The following FSTL5 variants were observed in gnomAD, a reference collection of about 807,000 sequenced individuals.
FSTL5 encodes the protein follistatin like 5.
In FSTL5, 62 loss-of-function variants were observed where a neutral mutation model predicts 89.1. That is an observed-to-expected ratio of 0.70 (90% CI 0.57 to 0.86). The LOEUF is 0.86. Among genes scored for constraint, FSTL5 ranks in the 40% least tolerant of loss-of-function variants. The pLI, the probability that FSTL5 is intolerant of heterozygous loss-of-function variation, is 0.00. For synonymous variants in FSTL5, 383 were observed against 346.2 expected (o/e 1.11, Z -1.18); for missense variants, 1,057 against 1,001.6 (o/e 1.06, Z -0.75).
chr4:161,901,610 T>C (rs1733365962), intron 4 of FSTL5, among the ~76,000 whole-genome samples: 1 of 152,134 alleles, frequency 6.6e-6, no homozygotes, highest in Non-Finnish European at 1.5e-5. Flanking sequence ...CCTTGTCAAA[T>C]GTTTGTGTGG....
At chr4:161,644,487 T>C (rs1418869115) in intron 7 of FSTL5, among the ~76,000 whole-genome samples, 2 of 151,088 alleles carry the variant, frequency 1.3e-5, no homozygotes, top group African/African-American at 2.4e-5. Context: ...GGCCGCACCA[T>C]TGCACTGCAG....
At chr4:162,033,591 A>T in intron 3 of FSTL5, 34 bp downstream of exon 3, 1 of 1,177,998 alleles carries the variant, frequency 8.5e-7, no homozygotes, top group Non-Finnish European at 1.2e-6. Flanking sequence ...TTATGAACTT[A>T]TATAATTGTT....
intron 7 of FSTL5, among the ~76,000 whole-genome samples, chr4:161,617,570 A>G (rs1485664580): frequency 6.6e-6 from 1 of 152,164 alleles, no homozygotes; most frequent in African/African-American, 2.4e-5. Context: ...TAGGCAAATC[A>G]TAATCAAACT....
chr4:161,582,295 T>C (rs1433986639), intron 8 of FSTL5, among the ~76,000 whole-genome samples: 1 of 152,220 alleles, frequency 6.6e-6, no homozygotes, highest in East Asian at 1.9e-4. Flanking sequence ...TCTAAAGTTC[T>C]TTTTAACTTT....
chr4:162,027,826 T>C (rs1011208432), intron 3 of FSTL5, among the ~76,000 whole-genome samples: 28 of 152,126 alleles, frequency 1.8e-4, no homozygotes, highest in Admixed American at 1.8e-3. Context: ...GACACTGATA[T>C]TTTGCTGTGA....
intron 6 of FSTL5, among the ~76,000 whole-genome samples, chr4:161,711,500 T>G (rs1738777761): frequency 6.6e-6 from 1 of 151,914 alleles, no homozygotes; most frequent in African/African-American, 2.4e-5. Flanking sequence ...AAGTAAAGGG[T>G]TTAAATTAGT....
At chr4:161,558,959 G>C (rs181832140) in intron 8 of FSTL5, among the ~76,000 whole-genome samples, 3 of 151,894 alleles carry the variant, frequency 2.0e-5, no homozygotes, top group Admixed American at 2.0e-4. Context: ...TCTAGCCTTT[G>C]TGCAAAACCT....
chr4:161,859,391 T>A (rs1178866703), intron 4 of FSTL5, among the ~76,000 whole-genome samples: 1 of 152,204 alleles, frequency 6.6e-6, no homozygotes, highest in Non-Finnish European at 1.5e-5. Context: ...TATATCCACT[T>A]CCAAAGACTT....
At chr4:161,994,603 G>A (rs1284766894) in intron 3 of FSTL5, among the ~76,000 whole-genome samples, 1 of 152,084 alleles carries the variant, frequency 6.6e-6, no homozygotes, top group Non-Finnish European at 1.5e-5. Flanking sequence ...ATCTCACTGC[G>A]GTTTCGTTTG....
At chr4:161,496,690 C>T (rs572128829) in intron 12 of FSTL5, among the ~76,000 whole-genome samples, 10 of 152,058 alleles carry the variant, frequency 6.6e-5, no homozygotes, top group Non-Finnish European at 1.0e-4. Flanking sequence ...TGCTGCCTGG[C>T]AAACCCTACA....
At chr4:161,678,675 G>A (rs1737407115) in intron 6 of FSTL5, among the ~76,000 whole-genome samples, 1 of 151,732 alleles carries the variant, frequency 6.6e-6, no homozygotes, top group Non-Finnish European at 1.5e-5. Context: ...AGTGAGAAAT[G>A]GGAAAGCAGC....
intron 2 of FSTL5, among the ~76,000 whole-genome samples, chr4:162,035,766 A>G (rs1233141635): frequency 6.6e-6 from 1 of 152,124 alleles, no homozygotes; most frequent in Admixed American, 6.6e-5. Flanking sequence ...AGGCCATTAA[A>G]GAAGGTATTG....
At chr4:161,892,026 T>C (rs1224990735) in intron 4 of FSTL5, among the ~76,000 whole-genome samples, 1 of 151,990 alleles carries the variant, frequency 6.6e-6, no homozygotes, top group African/African-American at 2.4e-5. Flanking sequence ...TTCGTATATA[T>C]GGGGAGTTTT....
At chr4:161,728,869 T>A (rs181530269) in intron 6 of FSTL5, among the ~76,000 whole-genome samples, 1 of 152,176 alleles carries the variant, frequency 6.6e-6, no homozygotes, top group African/African-American at 2.4e-5. Flanking sequence ...TTCTTTCACA[T>A]TGTGAGATGA....
intron 8 of FSTL5, among the ~76,000 whole-genome samples, chr4:161,559,998 C>A (rs1436594931): frequency 6.6e-6 from 1 of 151,766 alleles, no homozygotes; most frequent in Non-Finnish European, 1.5e-5. Flanking sequence ...TTCAATGCAG[C>A]CCAACACAAA....
intron 12 of FSTL5, among the ~76,000 whole-genome samples, chr4:161,483,845 C>T (rs140638212): frequency 1.6e-4 from 24 of 152,038 alleles, no homozygotes; most frequent in South Asian, 1.0e-3. Context: ...ATTATTAAAT[C>T]GCTTTTACAG....
intron 7 of FSTL5, among the ~76,000 whole-genome samples, chr4:161,644,812 C>A (rs1037556501): frequency 1.3e-5 from 2 of 151,942 alleles, no homozygotes; most frequent in African/African-American, 4.8e-5. Context: ...TCTCCATAGG[C>A]AAGGATAGTT....
chr4:161,630,930 T>C (rs1735483029), intron 7 of FSTL5, among the ~76,000 whole-genome samples: 1 of 152,208 alleles, frequency 6.6e-6, no homozygotes, highest in African/African-American at 2.4e-5. Flanking sequence ...ACTGTTTTCT[T>C]AACAGGAATC....
chr4:161,755,098 A>T (rs1740525394), intron 6 of FSTL5, among the ~76,000 whole-genome samples: 1 of 152,062 alleles, frequency 6.6e-6, no homozygotes, highest in Non-Finnish European at 1.5e-5. Flanking sequence ...CACTAAACTT[A>T]TTATTTATTG....
Sources: gnomAD v4.1 joint callset for allele counts (sites outside exome capture counted in the v4.1 genomes callset) on GRCh38, gnomAD v4.1.1 for gene constraint, MANE v1.5 for transcripts, NCBI Gene and HGNC (gene_info 2026-07-23, HGNC 2026-07-21) for gene names.